The following NAV2 variants were observed in gnomAD, a reference collection of about 807,000 sequenced individuals.
NAV2 encodes the protein helicase, APC down-regulated 1.
Under a neutral mutation model 223.2 loss-of-function variants are expected in NAV2, and 54 were observed. The ratio of observed to expected loss-of-function variants is 0.24; its 90% CI spans 0.19 to 0.30. The LOEUF (loss-of-function observed/expected upper bound fraction) is 0.30, where lower values mean the gene tolerates loss of function less well. Ranked by LOEUF, NAV2 falls within the 10% of genes least tolerant of loss-of-function variation. The pLI is 1.00. For missense variants in NAV2, 2,806 were observed against 3,147.5 expected, an observed-to-expected ratio of 0.89 and a Z score of 2.60; for synonymous variants, 1,279 against 1,239.3, an observed-to-expected ratio of 1.03 and a Z score of -0.67.
chr11:19,756,812 T>C (rs1449232626), intron 1 of NAV2, among the ~76,000 whole-genome samples: 1 of 152,190 alleles, frequency 6.6e-6, no homozygotes, highest in African/African-American at 2.4e-5. Flanking sequence ...GTGAGCACAG[T>C]TTGTTTTTCC....
At chr11:19,621,456 A>G (rs1195051130) in intron 1 of NAV2, among the ~76,000 whole-genome samples, 3 of 152,192 alleles carry the variant, frequency 2.0e-5, no homozygotes, top group Non-Finnish European at 2.9e-5. Flanking sequence ...CTATTCAGAG[A>G]TTCAACTTCT....
chr11:19,926,361 A>G (rs1195728777), intron 6 of NAV2, among the ~76,000 whole-genome samples: 1 of 152,124 alleles, frequency 6.6e-6, no homozygotes, highest in Non-Finnish European at 1.5e-5. Flanking sequence ...TGCCCCGCTT[A>G]CCTTCTTTAC....
rs547721322 is a variant in NAV2 at position 19,438,298 on chromosome 11, G to T, written c.75+87271G>T. 2.0e-5 allele frequency among the ~76,000 whole-genome samples: 3 copies of T among 152,186 alleles called. No homozygotes were observed. In the East Asian group the frequency reaches 5.8e-4, roughly 29 times the overall value. On this transcript the variant is annotated intron_variant, in intron 1 of 37. Coordinates refer to the NAV2 transcript ENST00000360655. Reference sequence around the variant, plus strand: ...TACAGGTGAAGAAGCTGAGGCTTCCGAAGATTAAGTAGCAGTCATCAACCA... The same window carrying T: ...TACAGGTGAAGAAGCTGAGGCTTCCTAAGATTAAGTAGCAGTCATCAACCA...
At chr11:19,349,321 CCTT>C (rs1174479377), upstream of NAV2, among the ~76,000 whole-genome samples, 2 of 152,170 alleles carry the variant, frequency 1.3e-5, no homozygotes, top group Non-Finnish European at 2.9e-5. Context: ...ATCTGCTAGT[CCTT>C]CTCCTCCTCC....
At chr11:19,804,061 T>C (rs1292978114) in intron 1 of NAV2, among the ~76,000 whole-genome samples, 3 of 152,214 alleles carry the variant, frequency 2.0e-5, no homozygotes, top group African/African-American at 7.2e-5. Flanking sequence ...AATCCAGGTC[T>C]ACTCATTAGG....
chr11:19,420,793 A>G (rs1460281585), intron 1 of NAV2, among the ~76,000 whole-genome samples: 1 of 152,202 alleles, frequency 6.6e-6, no homozygotes, highest in Non-Finnish European at 1.5e-5. Context: ...GATGAAGTTG[A>G]TGTTTTATTT....
chr11:19,914,657 G>T (rs552961734), intron 6 of NAV2, among the ~76,000 whole-genome samples: 2 of 151,426 alleles, frequency 1.3e-5, no homozygotes, highest in Admixed American at 6.6e-5. Flanking sequence ...CCATTCTCCT[G>T]CCTCAGCCTC....
rs181990367 is a variant in NAV2 at position 19,998,835 on chromosome 11, T to G, written c.2768+14588T>G. On this transcript the variant is annotated intron_variant, in intron 11 of 37. Coordinates refer to ENST00000349880, the MANE Select transcript of NAV2 (RefSeq NM_145117.5). This position sits in a 1 kb window ranked among gnomAD's most constrained non-coding sequence, Gnocchi z 5.0. ...AAGAAAGTTTCAGCTGTTGGTTTCT[T>G]TTTGGAAACTGTTTATTTGACATCT... Among the ~76,000 whole-genome samples, 2 of 152,204 alleles carry G rather than the reference T, an allele frequency of 1.3e-5. No homozygotes were observed. The highest frequency in any genetic ancestry group is 1.3e-4 in the Admixed American group (2 of 15,280).
chr11:19,996,409 G>T (rs943460032), intron 11 of NAV2, among the ~76,000 whole-genome samples: 1 of 152,208 alleles, frequency 6.6e-6, no homozygotes, highest in Non-Finnish European at 1.5e-5. Flanking sequence ...CATCTGGGAG[G>T]CTCAGCAAAA....
At chr11:19,560,146 TAA>T (rs1269915379) in intron 1 of NAV2, among the ~76,000 whole-genome samples, 1 of 152,190 alleles carries the variant, frequency 6.6e-6, no homozygotes, top group African/African-American at 2.4e-5. Context: ...GAATCGGTGG[TAA>T]AAGAGACTAT....
intron 31 of NAV2, among the ~76,000 whole-genome samples, chr11:20,099,258 G>A (rs985265689): frequency 4.6e-5 from 7 of 152,198 alleles, no homozygotes; most frequent in African/African-American, 1.7e-4. Context: ...GCAGGAAGGA[G>A]TATCAGACCC....
At position 20,029,244 on chromosome 11, in the gene NAV2, C is replaced by A. The variant is rs115553701; in HGVS notation, c.2769-6715C>A. Among the ~76,000 whole-genome samples, 840 of 152,274 alleles carry A rather than the reference C, an allele frequency of 5.5e-3. 8 individuals carry two copies. Among genetic ancestry groups the A allele is most frequent in the African/African-American group, 0.019 (801 of 41,562 alleles). The stretch of plus-strand genomic sequence containing the variant: ...CTACTCCATTATAAAGAAGAGAAGA[C>A]TGGGGCCTGGAGAGGATGTGTCTTG... On this transcript the variant is annotated intron_variant, in intron 11 of 37. Transcript: ENST00000349880.
chr11:19,545,116 C>T (rs535737695), intron 1 of NAV2, among the ~76,000 whole-genome samples: 6 of 152,224 alleles, frequency 3.9e-5, no homozygotes, highest in Non-Finnish European at 7.3e-5. Context: ...TTGCAGTTCT[C>T]ATTCATTTCT....
chr11:19,449,440 G>A (rs1851708304), intron 1 of NAV2, among the ~76,000 whole-genome samples: 1 of 151,762 alleles, frequency 6.6e-6, no homozygotes, highest in South Asian at 2.1e-4. Context: ...ACAGCCACAG[G>A]CCCACAGGCA....
rs79030444 is a variant in NAV2, at chr11:19,766,246, T to C, written c.267+52284T>C. On this transcript the variant is annotated intron_variant, in intron 1 of 37. Transcript: ENST00000349880. ...TAAATCCTCAGCCCGGTTGGCTCTG[T>C]GTAATGCAAAGAGGAATCGGATGAA... 8.9e-3 allele frequency among the ~76,000 whole-genome samples: 1,353 copies of C among 152,170 alleles called. 14 individuals carry two copies. The highest frequency in any genetic ancestry group is 0.032 in the African/African-American group (1,319 of 41,492).
chr11:19,983,597 G>T (rs1317248366), intron 10 of NAV2, among the ~76,000 whole-genome samples: 1 of 152,140 alleles, frequency 6.6e-6, no homozygotes, highest in East Asian at 1.9e-4. Context: ...TATAGCCTGG[G>T]TGAAAAACTC....
chr11:19,857,013 G>A lies in NAV2; in HGVS notation c.439-11912G>A, dbSNP rs540805252. Among the ~76,000 whole-genome samples the A allele has an allele frequency of 3.9e-5, 6 of 152,334 alleles. No homozygotes were observed. In the East Asian group the frequency reaches 9.7e-4, roughly 25 times the overall value. On this transcript the variant is annotated intron_variant, in intron 3 of 37. Transcript: ENST00000349880. ...AGCTGACTTACACAGGCTGGTGTGA[G>A]GGAACTGGTACCAAGCTGAGGAATG...
chr11:19,655,748 G>T (rs1251684116), intron 1 of NAV2, among the ~76,000 whole-genome samples: 1 of 123,224 alleles, frequency 8.1e-6, no homozygotes, highest in Admixed American at 8.9e-5. Context: ...GTTTTGGGGT[G>T]GGGGGAGGGG....
At chr11:19,943,063 A>T (rs2046533640) in intron 8 of NAV2, among the ~76,000 whole-genome samples, 1 of 152,238 alleles carries the variant, frequency 6.6e-6, no homozygotes, top group East Asian at 1.9e-4. Context: ...GGATAAGTAA[A>T]TATGGCTATT....
Sources: allele counts gnomAD v4.1 joint callset (sites outside exome capture counted in the v4.1 genomes callset), GRCh38; gene constraint gnomAD v4.1.1; non-coding constraint Gnocchi (gnomAD v3.1); transcripts MANE v1.5; gene names NCBI Gene and HGNC (gene_info 2026-07-23, HGNC 2026-07-21).